TSPAN13: variants seen among roughly 807,000 people sequenced by gnomAD.
TSPAN13 encodes tetraspanin 13.
A neutral mutation model predicts 26.9 loss-of-function variants in TSPAN13; 18 were observed. That is an observed-to-expected ratio of 0.67 (90% CI 0.46 to 0.99). The LOEUF (loss-of-function observed/expected upper bound fraction) is 0.99, where lower values mean the gene tolerates loss of function less well. Ranked by LOEUF, TSPAN13 falls within the 50% of genes least tolerant of loss-of-function variation. The pLI is 0.00. For synonymous variants in TSPAN13, 116 were observed against 98.4 expected (o/e 1.18, Z -1.06); for missense variants, 201 against 249.6 (o/e 0.81, Z 1.31).
Position 16,753,774 on chromosome 7 carries a change from C to T in TSPAN13, c.-194C>T, listed in dbSNP as rs1003625947. ...CCTGCTCCGGCTCAGCTGCGGCGGC[C>T]GCAGGTTCCAAAGCGGGTCCGAGCC... On this transcript the variant is annotated 5_prime_UTR_variant, in exon 1 of 6. Transcript: ENST00000262067. The T allele has an allele frequency of 2.2e-6, 1 of 463,104 alleles. No individual in the cohort carries two copies. Among genetic ancestry groups the T allele is most frequent in the East Asian group, 3.9e-5 (1 of 25,846 alleles). The allele number at this position is 463,104 out of a possible 1,614,324, so 28.7% of individuals were successfully genotyped here.
intron 1 of TSPAN13, among the ~76,000 whole-genome samples, chr7:16,773,174 C>G (rs900414834): frequency 9.6e-5 from 14 of 145,690 alleles, no homozygotes; most frequent in African/African-American, 3.4e-4. Context: ...TGGGGGGGGG[C>G]GGTTAGCAAT....
At chr7:16,783,266 C>T in intron 5 of TSPAN13, 151 bp from the exon 6 acceptor site, 1 of 736,302 alleles carries the variant, frequency 1.4e-6, no homozygotes, top group Non-Finnish European at 2.2e-6. Context: ...ATTTGGTTTA[C>T]TTCATTTCAA....
intron 5 of TSPAN13, among the ~76,000 whole-genome samples, chr7:16,779,318 C>CTCTTCTTATGTAAAATTTAATG (rs1784789296): frequency 6.6e-6 from 1 of 152,072 alleles, no homozygotes; most frequent in Non-Finnish European, 1.5e-5. Flanking sequence ...CTTGATCTGT[C>CTCTTCTTATGTAAAATTTAATG]TCTTCTTATG....
chr7:16,753,889 G>A lies in TSPAN13; in HGVS notation c.-79G>A. 6.8e-7 allele frequency: 1 copy of A among 1,480,642 alleles called. No homozygotes were observed. Among genetic ancestry groups the A allele is most frequent in the Non-Finnish European group, 9.3e-7 (1 of 1,078,714 alleles). 91.7% of individuals were successfully genotyped at this position (1,480,642 alleles called of 1,614,324 possible). ...TGCCCCGCCTGGGCCAGGCCCCAAA[G>A]GCAAGGACAAAGCAGCTGTCAGGGA... On this transcript the variant is annotated 5_prime_UTR_variant, in exon 1 of 6. Coordinates refer to ENST00000262067, the MANE Select transcript of TSPAN13 (RefSeq NM_014399.4).
chr7:16,761,348 G>T (rs1784538874), intron 1 of TSPAN13, among the ~76,000 whole-genome samples: 1 of 152,198 alleles, frequency 6.6e-6, no homozygotes, highest in Non-Finnish European at 1.5e-5. Context: ...ATTATTTATA[G>T]AGTTTTCATA....
intron 1 of TSPAN13, among the ~76,000 whole-genome samples, chr7:16,769,819 C>G (rs976441115): frequency 6.6e-6 from 1 of 152,238 alleles, no homozygotes; most frequent in Non-Finnish European, 1.5e-5. Flanking sequence ...AAAGTCCACA[C>G]CCTGTCTTAT....
chr7:16,765,207 A>G (rs1290612940), intron 1 of TSPAN13, among the ~76,000 whole-genome samples: 1 of 152,030 alleles, frequency 6.6e-6, no homozygotes, highest in Admixed American at 6.6e-5. Flanking sequence ...GGCTGAAGCT[A>G]TCCTGAGTCA....
intron 5 of TSPAN13, 95 bp downstream of exon 5, chr7:16,779,211 C>A: frequency 1.2e-6 from 1 of 862,412 alleles, no homozygotes. Flanking sequence ...TGAGCATTTT[C>A]ATTGAGAACT....
intron 1 of TSPAN13, among the ~76,000 whole-genome samples, chr7:16,767,776 G>T (rs949710751): frequency 6.6e-6 from 1 of 152,016 alleles, no homozygotes; most frequent in African/African-American, 2.4e-5. Flanking sequence ...CCTGATTTTT[G>T]ATGTGATTTA....
At chr7:16,777,776 A>G (rs367625876) in intron 3 of TSPAN13, 22 bp from the exon 4 acceptor site, 470 of 1,586,316 alleles carry the variant, frequency 3.0e-4, no homozygotes, top group Non-Finnish European at 3.7e-4. Context: ...GACACATTTT[A>G]TATATTAAAC....
intron 5 of TSPAN13, among the ~76,000 whole-genome samples, chr7:16,781,109 G>A (rs1014800364): frequency 5.3e-5 from 8 of 152,116 alleles, no homozygotes; most frequent in Non-Finnish European, 1.2e-4. Flanking sequence ...CCTAAACCAT[G>A]AGAGAAACAT....
In TSPAN13 at chr7:16,770,982, C is replaced by G. The variant is rs1049872301; in HGVS notation, c.64-5229C>G. 2.0e-5 allele frequency among the ~76,000 whole-genome samples: 3 copies of G among 152,302 alleles called. No homozygotes were observed. The East Asian group carries it at 5.8e-4, about 29-fold the overall frequency. On this transcript the variant is annotated intron_variant, in intron 1 of 5. Transcript: ENST00000262067. ...CTGGATAGGTTGTTGTGGTTTTTCT[C>G]TAACCCCTGACACTGAAAATACAGC...
chr7:16,777,291 C>A (rs1033695467), intron 3 of TSPAN13, among the ~76,000 whole-genome samples, 169 bp downstream of exon 3: 5 of 152,172 alleles, frequency 3.3e-5, no homozygotes, highest in African/African-American at 1.2e-4. Context: ...CAGGTTGGAG[C>A]CGGACACCAT....
intron 4 of TSPAN13, among the ~76,000 whole-genome samples, chr7:16,778,305 C>T (rs891275257): frequency 2.6e-5 from 4 of 152,208 alleles, no homozygotes; most frequent in Non-Finnish European, 5.9e-5. Flanking sequence ...AGATTATCTC[C>T]TTGTAGGGGG....
At chr7:16,774,301 T>G (rs937061718) in intron 1 of TSPAN13, among the ~76,000 whole-genome samples, 3 of 152,208 alleles carry the variant, frequency 2.0e-5, no homozygotes, top group African/African-American at 7.2e-5. Flanking sequence ...TATTTCCTAT[T>G]GGTTCTGTTT....
intron 5 of TSPAN13, among the ~76,000 whole-genome samples, chr7:16,783,136 T>C (rs567922012): frequency 6.6e-6 from 1 of 152,276 alleles, no homozygotes; most frequent in East Asian, 1.9e-4. Flanking sequence ...ACCCGCAAAG[T>C]CCCTGTTACT....
At chr7:16,769,832 C>T (rs1314614272) in intron 1 of TSPAN13, among the ~76,000 whole-genome samples, 4 of 152,134 alleles carry the variant, frequency 2.6e-5, no homozygotes, top group African/African-American at 9.7e-5. Flanking sequence ...TGTCTTATTC[C>T]TGAATTTTGG....
chr7:16,771,775 C>G (rs911468388), intron 1 of TSPAN13, among the ~76,000 whole-genome samples: 1 of 152,202 alleles, frequency 6.6e-6, no homozygotes, highest in African/African-American at 2.4e-5. Context: ...GCAAAAGCAG[C>G]GATAGGAAAC....
intron 1 of TSPAN13, among the ~76,000 whole-genome samples, chr7:16,771,480 TGAGCTTTATG>T (rs896401327): frequency 1.3e-5 from 2 of 152,202 alleles, no homozygotes; most frequent in African/African-American, 4.8e-5. Context: ...ATTATCTGGG[TGAGCTTTATG>T]GAATCACACA....
Sources: gnomAD v4.1 joint callset for allele counts (sites outside exome capture counted in the v4.1 genomes callset) on GRCh38, gnomAD v4.1.1 for gene constraint, MANE v1.5 for transcripts, NCBI Gene and HGNC (gene_info 2026-07-23, HGNC 2026-07-21) for gene names.